The following TRAPPC12 variants were observed in gnomAD, a reference collection of about 807,000 sequenced individuals.
TRAPPC12 encodes the protein trafficking protein particle complex subunit 12.
TRAPPC12 carries 61 observed loss-of-function variants against 69.2 expected under a neutral mutation model. That is an observed-to-expected ratio of 0.88 (90% CI 0.72 to 1.09). The LOEUF is 1.09. TRAPPC12 is among the 50% of genes least tolerant of loss of function. The pLI is 0.00. For missense variants in TRAPPC12, 1,101 were observed against 1,016.4 expected (o/e 1.08, Z -1.13); for synonymous variants, 469 against 438.9 (o/e 1.07, Z -0.86).
At chr2:3,476,413 A>G (rs1408434651) in intron 9 of TRAPPC12, among the ~76,000 whole-genome samples, 1 of 152,150 alleles carries the variant, frequency 6.6e-6, no homozygotes, top group Admixed American at 6.5e-5. Context: ...CAGGGTCTTC[A>G]CCGAGGGCCT....
rs1665761478 is a variant in TRAPPC12, at chr2:3,465,494, CCT to C, written c.1678-96_1678-95del. On this transcript the variant is annotated intron_variant, in intron 8 of 11. Transcript: ENST00000324266. ...CCCGCCAGCTCCTGCGTCAGCGTGT[CCT>C]CTCTCTACACCGCGTCTGTATACAC... The C allele has an allele frequency of 6.3e-6, 5 of 792,626 alleles. No individual in the cohort carries two copies. The South Asian group carries it at 6.4e-5, about 10-fold the overall frequency. The allele number at this position is 792,626 out of a possible 1,614,324, so 49.1% of individuals were successfully genotyped here.
At position 3,424,562 on chromosome 2, in the gene TRAPPC12, G is replaced by A. The variant is rs1662989244; in HGVS notation, c.1316G>A (p.Gly439Asp). ...FVRLALLVKL[G>D]LFQNAEMEFE... ...AGGCTGGCACTACTAGTGAAGTTGG[G>A]CCTTTTCCAGAATGCTGAGATGGAA... Residue 439 changes from glycine (G) to aspartate (D), a missense_variant, in exon 5 of 12, where the codon GGC becomes GAC. Physicochemically the swap from Gly to Asp is moderately conservative, Grantham distance 94. Transcript: ENST00000324266. 6.2e-7 allele frequency: 1 copy of A among 1,613,548 alleles called. No individual in the cohort carries two copies. The highest frequency in any genetic ancestry group is 8.5e-7 in the Non-Finnish European group (1 of 1,179,912).
intron 3 of TRAPPC12, among the ~76,000 whole-genome samples, chr2:3,421,479 C>T (rs1662780622): frequency 6.6e-6 from 1 of 152,236 alleles, no homozygotes; most frequent in Non-Finnish European, 1.5e-5. Context: ...ATGTCCAACA[C>T]ATAGCATAAA....
intron 3 of TRAPPC12, among the ~76,000 whole-genome samples, chr2:3,420,860 C>A (rs898163492): frequency 2.0e-5 from 3 of 152,158 alleles, no homozygotes; most frequent in Admixed American, 6.5e-5. Flanking sequence ...CTCTACCACA[C>A]GTTTTTAAAA....
Position 3,382,294 on chromosome 2 carries a change from C to T in TRAPPC12, c.-5+2418C>T, listed in dbSNP as rs139409638. 1.3e-4 allele frequency among the ~76,000 whole-genome samples: 20 copies of T among 152,126 alleles called. No homozygotes were observed. The East Asian group carries it at 2.1e-3, about 16-fold the overall frequency. On this transcript the variant is annotated intron_variant, in intron 1 of 11. Coordinates refer to ENST00000324266, the MANE Select transcript of TRAPPC12 (RefSeq NM_016030.6). ...AGACTACAGGCGCCCGCCACCATGC[C>T]TGGCTAATTTTTTGTATTTTAATAG...
intron 2 of TRAPPC12, among the ~76,000 whole-genome samples, chr2:3,394,408 G>A (rs1660998455): frequency 6.6e-6 from 1 of 152,136 alleles, no homozygotes; most frequent in African/African-American, 2.4e-5. Context: ...GGATCATGAG[G>A]TCAGGAGATC....
chr2:3,455,461 TA>T (rs1488520657), intron 6 of TRAPPC12: 2 of 98,398 alleles, frequency 2.0e-5, no homozygotes, highest in Non-Finnish European at 4.4e-5. Context: ...TTATTTGTTC[TA>T]TTTTTTTTTT....
Position 3,479,230 on chromosome 2 carries a change from C to T in TRAPPC12, c.1977C>T (p.Asn659=), listed in dbSNP as rs561539161. 56 of 1,613,524 alleles carry T rather than the reference C, an allele frequency of 3.5e-5. No individual in the cohort carries two copies. In the East Asian group the frequency reaches 8.7e-4, roughly 25 times the overall value. ...MDPRNAVANN[N]AAVCLLYLGK... is the part of the protein sequence containing the mutation. Reference sequence around the variant, plus strand: ...GTGCTCCTCCCTAGGCCAACAACAACGCTGCCGTGTGTCTGCTCTACCTGG... The same window carrying T: ...GTGCTCCTCCCTAGGCCAACAACAATGCTGCCGTGTGTCTGCTCTACCTGG... The change falls in exon 12 of 12, where the codon AAC becomes AAT. Residue 659 remains asparagine, a synonymous_variant. Transcript: ENST00000324266.
intron 6 of TRAPPC12, among the ~76,000 whole-genome samples, chr2:3,444,251 C>G (rs1176706190): frequency 6.6e-6 from 1 of 152,242 alleles, no homozygotes; most frequent in African/African-American, 2.4e-5. Context: ...CTGCCACGTG[C>G]AGACAGAGGT....
intron 3 of TRAPPC12, among the ~76,000 whole-genome samples, chr2:3,410,571 G>A (rs1488958239): frequency 3.3e-5 from 5 of 152,160 alleles, no homozygotes; most frequent in South Asian, 2.1e-4. Context: ...ATGTTTGATT[G>A]GTGGCGAGTA....
intron 5 of TRAPPC12, among the ~76,000 whole-genome samples, chr2:3,430,505 C>T (rs1472001659): frequency 1.3e-5 from 2 of 152,194 alleles, no homozygotes; most frequent in Non-Finnish European, 2.9e-5. Flanking sequence ...TAATCTTGGC[C>T]TGTATTTCTA....
intron 9 of TRAPPC12, among the ~76,000 whole-genome samples, chr2:3,473,825 C>T (rs148797390): frequency 0.02 from 3,020 of 152,344 alleles, 43 homozygotes; most frequent in Middle Eastern, 0.051. Context: ...TAAAGTTGAT[C>T]AGTGGTAAAT....
At chr2:3,446,958 T>C (rs904635587) in intron 6 of TRAPPC12, among the ~76,000 whole-genome samples, 5 of 152,244 alleles carry the variant, frequency 3.3e-5, no homozygotes, top group African/African-American at 1.2e-4. Context: ...ACTCAAGAAG[T>C]GTGTATTAGT....
At chr2:3,440,908 T>C (rs183484079) in intron 5 of TRAPPC12, among the ~76,000 whole-genome samples, 140 of 152,318 alleles carry the variant, frequency 9.2e-4, no homozygotes, top group Middle Eastern at 6.8e-3. Flanking sequence ...CTACATCTAT[T>C]GATATGATTT....
chr2:3,434,558 C>G (rs1263279923), intron 5 of TRAPPC12, among the ~76,000 whole-genome samples: 1 of 152,196 alleles, frequency 6.6e-6, no homozygotes, highest in Non-Finnish European at 1.5e-5. Flanking sequence ...CAAACAATGA[C>G]AGCATATTTA....
At chr2:3,431,992 G>A (rs1663467842) in intron 5 of TRAPPC12, among the ~76,000 whole-genome samples, 1 of 152,202 alleles carries the variant, frequency 6.6e-6, no homozygotes, top group Non-Finnish European at 1.5e-5. Context: ...CACAATGGCA[G>A]TGAGCATGTA....
At chr2:3,463,976 G>C (rs1006395183) in intron 8 of TRAPPC12, among the ~76,000 whole-genome samples, 3 of 152,098 alleles carry the variant, frequency 2.0e-5, no homozygotes, top group African/African-American at 7.2e-5. Flanking sequence ...AAGCAGGGCT[G>C]CTCCCCTAAA....
chr2:3,389,248 T>C (rs1309033079), intron 2 of TRAPPC12, among the ~76,000 whole-genome samples: 2 of 152,304 alleles, frequency 1.3e-5, no homozygotes, highest in South Asian at 2.1e-4. Flanking sequence ...TGCCCAGGCC[T>C]CTCTCGGCCC....
intron 5 of TRAPPC12, among the ~76,000 whole-genome samples, chr2:3,443,202 T>C (rs1356096811): frequency 2.0e-5 from 3 of 152,244 alleles, no homozygotes; most frequent in African/African-American, 7.2e-5. Context: ...CCTTGCCTCC[T>C]GTCAGAGGTG....
Sources: gnomAD v4.1 joint callset for allele counts (sites outside exome capture counted in the v4.1 genomes callset) on GRCh38, gnomAD v4.1.1 for gene constraint, MANE v1.5 for transcripts, NCBI Gene and HGNC (gene_info 2026-07-23, HGNC 2026-07-21) for gene names.